The following RAB39A variants were observed in gnomAD, a reference collection of about 807,000 sequenced individuals.
RAB39A encodes the protein ras-related protein Rab-39A.
A neutral mutation model predicts 20.9 loss-of-function variants in RAB39A; 17 were observed. That is an observed-to-expected ratio of 0.81 (90% CI 0.56 to 1.22). The LOEUF is 1.22. Ranked by LOEUF, RAB39A falls within the 50% of genes most tolerant of loss-of-function variation. The pLI is 0.00. For synonymous variants in RAB39A, 99 were observed against 103.4 expected (o/e 0.96, Z 0.26); for missense variants, 234 against 270.5 (o/e 0.87, Z 0.95).
At position 107,938,382 on chromosome 11, in the gene RAB39A, A is replaced by C. The variant is rs561557976; in HGVS notation, c.227+9587A>C. 2.1e-3 allele frequency among the ~76,000 whole-genome samples: 294 copies of C among 139,044 alleles called. 1 individual carries two copies. Among genetic ancestry groups the C allele is most frequent in the African/African-American group, 7.1e-3 (277 of 39,178 alleles). The allele number at this position is 139,044 out of a possible 152,430, so 91.2% of individuals were successfully genotyped here. A position where few individuals can be genotyped will look rare whatever the true frequency, so the allele number is the denominator to read the frequency against. On this transcript the variant is annotated intron_variant, in intron 1 of 1. Transcript: ENST00000320578. ...CTCAAAAAAAAAAAAAAAAAAAAAGAATGAGACAGCATCGTTTCTAACAAG... is the reference window on the plus strand; with the variant it reads ...CTCAAAAAAAAAAAAAAAAAAAAAGCATGAGACAGCATCGTTTCTAACAAG...
intron 1 of RAB39A, among the ~76,000 whole-genome samples, chr11:107,961,499 A>G (rs1861495148): frequency 6.6e-6 from 1 of 152,170 alleles, no homozygotes; most frequent in Non-Finnish European, 1.5e-5. Context: ...TCCATACTAC[A>G]GCCCTTGTTT....
intron 1 of RAB39A, among the ~76,000 whole-genome samples, chr11:107,938,576 A>AAAAC (rs1215873986): frequency 1.3e-5 from 2 of 149,330 alleles, no homozygotes; most frequent in African/African-American, 4.9e-5. Flanking sequence ...AAAAAAAAAA[A>AAAAC]AAAAAAAAAA....
intron 1 of RAB39A, among the ~76,000 whole-genome samples, chr11:107,940,473 C>T (rs1288283041): frequency 6.6e-6 from 1 of 151,680 alleles, no homozygotes; most frequent in Non-Finnish European, 1.5e-5. Flanking sequence ...TATGTTGGCC[C>T]GGCTGGTCTT....
rs547466316 is a variant in RAB39A at position 107,947,372 on chromosome 11, G to T, written c.228-14574G>T. Among the ~76,000 whole-genome samples the T allele has an allele frequency of 5.9e-5, 9 of 152,198 alleles. No individual in the cohort carries two copies. The East Asian group carries it at 1.5e-3, about 26-fold the overall frequency. On this transcript the variant is annotated intron_variant, in intron 1 of 1. Transcript: ENST00000320578. ...TTCACCGACCTCAGCCTCCCAACAT[G>T]CTGGGATTACAGGTATGAGCCACCG...
Position 107,928,567 on chromosome 11 carries a change from C to T in RAB39A, c.-2C>T, listed in dbSNP as rs140505673. 23 of 1,481,664 alleles carry T rather than the reference C, an allele frequency of 1.6e-5. No individual in the cohort carries two copies. In the African/African-American group the frequency reaches 3.1e-4, roughly 20 times the overall value. 91.8% of individuals were successfully genotyped at this position (1,481,664 alleles called of 1,614,324 possible). ...CCCGGGAGCCAGCGGGGCACGTGAG[C>T]GATGGAGACCATCTGGATCTACCAG... On this transcript the variant is annotated 5_prime_UTR_variant, in exon 1 of 2. Coordinates refer to ENST00000320578, the MANE Select transcript of RAB39A (RefSeq NM_017516.3). The surrounding 1 kb of genome is among the most constrained non-coding windows in gnomAD (Gnocchi z 4.9).
chr11:107,960,413 A>G (rs899782619), intron 1 of RAB39A, among the ~76,000 whole-genome samples: 1 of 152,162 alleles, frequency 6.6e-6, no homozygotes, highest in African/African-American at 2.4e-5. Flanking sequence ...CTCAGATGGT[A>G]TGATTATTGA....
chr11:107,942,915 T>C (rs1272854172), intron 1 of RAB39A, among the ~76,000 whole-genome samples: 1 of 152,182 alleles, frequency 6.6e-6, no homozygotes, highest in Non-Finnish European at 1.5e-5. Flanking sequence ...AAGTTCATTA[T>C]TATGTTCACC....
chr11:107,931,654 G>A (rs1312073753), intron 1 of RAB39A, among the ~76,000 whole-genome samples: 2 of 152,120 alleles, frequency 1.3e-5, no homozygotes, highest in African/African-American at 4.8e-5. Flanking sequence ...TCATGAAGAT[G>A]TATTCCTGTC....
At chr11:107,942,214 G>C (rs145383700) in intron 1 of RAB39A, among the ~76,000 whole-genome samples, 5 of 151,980 alleles carry the variant, frequency 3.3e-5, no homozygotes, top group African/African-American at 7.2e-5. Context: ...AGAACTTTTG[G>C]AAGAGAAGAA....
intron 1 of RAB39A, among the ~76,000 whole-genome samples, chr11:107,936,793 G>T (rs1038155221): frequency 2.0e-5 from 3 of 152,044 alleles, no homozygotes; most frequent in African/African-American, 7.2e-5. Context: ...GTGCATGGTG[G>T]TGCACACCTA....
At chr11:107,938,197 T>C (rs1026866034) in intron 1 of RAB39A, among the ~76,000 whole-genome samples, 1 of 151,388 alleles carries the variant, frequency 6.6e-6, no homozygotes, top group Non-Finnish European at 1.5e-5. Flanking sequence ...ACCCAGTCTC[T>C]ACTAAAAATA....
chr11:107,946,396 ATGTGTGTGTGTGTGTGTGTG>A (rs71047654), intron 1 of RAB39A, among the ~76,000 whole-genome samples: 3 of 37,638 alleles, frequency 8.0e-5, no homozygotes, highest in Middle Eastern at 0.022. Context: ...GGGTGTATAT[ATGTGTGTGTGTGTGTGTGTG>A]TGTGTGTGTG....
At chr11:107,961,852 A>T (rs1286638861) in intron 1 of RAB39A, 94 bp from the exon 2 acceptor site, 2 of 967,550 alleles carry the variant, frequency 2.1e-6, no homozygotes, top group African/African-American at 1.6e-5. Flanking sequence ...TCATATTAAG[A>T]TATCTTCAAA....
intron 1 of RAB39A, among the ~76,000 whole-genome samples, chr11:107,933,844 C>T (rs190209619): frequency 1.8e-3 from 263 of 149,858 alleles, no homozygotes; most frequent in African/African-American, 6.2e-3. Flanking sequence ...TTAGTAGAGA[C>T]GAGGTTTCAC....
In RAB39A at chr11:107,961,526, TAGAG is replaced by T. The variant is rs537459622; in HGVS notation, c.228-416_228-413del. On this transcript the variant is annotated intron_variant, in intron 1 of 1. Transcript: ENST00000320578. ...CCCTTGTTTCTTTTTCCTAAACTGA[TAGAG>T]AGAAGAGTTCATTAAATTTTATGAC... 2.0e-4 allele frequency among the ~76,000 whole-genome samples: 30 copies of T among 152,318 alleles called. No individual in the cohort carries two copies. The South Asian group carries it at 5.8e-3, about 29-fold the overall frequency.
intron 1 of RAB39A, among the ~76,000 whole-genome samples, chr11:107,947,733 A>G (rs1417815831): frequency 6.6e-6 from 1 of 150,446 alleles, no homozygotes; most frequent in Non-Finnish European, 1.5e-5. Flanking sequence ...GAGACTTTCC[A>G]GAAACAACAG....
chr11:107,928,527 C>G lies in RAB39A; in HGVS notation c.-42C>G. The G allele has an allele frequency of 7.2e-7, 1 of 1,388,190 alleles. No individual in the cohort carries two copies. The highest frequency in any genetic ancestry group is 9.5e-7 in the Non-Finnish European group (1 of 1,048,462). The allele number at this position is 1,388,190 out of a possible 1,614,324, so 86.0% of individuals were successfully genotyped here. A position where few individuals can be genotyped will look rare whatever the true frequency, so the allele number is the denominator to read the frequency against. On this transcript the variant is annotated 5_prime_UTR_variant, in exon 1 of 2. Coordinates refer to ENST00000320578, the MANE Select transcript of RAB39A (RefSeq NM_017516.3). This position sits in a 1 kb window ranked among gnomAD's most constrained non-coding sequence, Gnocchi z 4.9. The stretch of plus-strand genomic sequence containing the variant: ...GACAGTTCCCGCCGCCGAACTTAGC[C>G]CGCGGGTGGGGCGGCCCGGGAGCCA...
Position 107,963,185 on chromosome 11 carries a change from C to T in RAB39A, c.*813C>T, listed in dbSNP as rs1053603417. On this transcript the variant is annotated 3_prime_UTR_variant, in exon 2 of 2. Transcript: ENST00000320578. ...GTTCAGGTGATTGTCAGTACCTTAC[C>T]TCAGCCTCCTGAGTAGCTGGAACTG... 3 of 152,058 alleles carry T rather than the reference C, an allele frequency of 2.0e-5. No individual in the cohort carries two copies. The highest frequency in any genetic ancestry group is 2.9e-5 in the Non-Finnish European group (2 of 68,034). The allele number at this position is 152,058 out of a possible 1,614,324, so 9.4% of individuals were successfully genotyped here. A position where few individuals can be genotyped will look rare whatever the true frequency, so the allele number is the denominator to read the frequency against.
At chr11:107,938,967 G>A in intron 1 of RAB39A, among the ~76,000 whole-genome samples, 1 of 151,950 alleles carries the variant, frequency 6.6e-6, no homozygotes, top group East Asian at 1.9e-4. Flanking sequence ...ACATCCTGAA[G>A]TAAACTATTC....
Sources: gnomAD v4.1 joint callset for allele counts (sites outside exome capture counted in the v4.1 genomes callset) on GRCh38, gnomAD v4.1.1 for gene constraint, Gnocchi (gnomAD v3.1) non-coding constraint, MANE v1.5 for transcripts, NCBI Gene and HGNC (gene_info 2026-07-23, HGNC 2026-07-21) for gene names.